Variants in HECTD4 observed in about 807,000 individuals in gnomAD.
HECTD4 encodes the protein HECT domain E3 ubiquitin protein ligase 4.
HECTD4 carries 114 observed loss-of-function variants against 471.5 expected under a neutral mutation model. The ratio of observed to expected loss-of-function variants is 0.24; its 90% CI spans 0.21 to 0.28. The LOEUF (loss-of-function observed/expected upper bound fraction) is 0.28. HECTD4 is among the 10% of genes least tolerant of loss of function. The pLI is 1.00. For synonymous variants in HECTD4, 2,012 were observed against 2,256.0 expected (o/e 0.89, Z 3.07); for missense variants, 3,866 against 5,651.5 (o/e 0.68, Z 10.13).
chr12:112,162,579 G>A lies in HECTD4; in HGVS notation c.13121-56C>T, dbSNP rs1265735686. On this transcript the variant is annotated intron_variant, in intron 75 of 75. Transcript: ENST00000682272. This position sits in a 1 kb window ranked among gnomAD's most constrained non-coding sequence, Gnocchi z 5.2. ...TGGGCCCACATCTGTGAGGCTCCCA[G>A]GGAAGCTGGGCTGGCCTCTGCTTCC... 1.2e-6 allele frequency: 2 copies of A among 1,609,374 alleles called. No homozygotes were observed. The highest frequency in any genetic ancestry group is 1.7e-6 in the Non-Finnish European group (2 of 1,177,314).
chr12:112,258,985 C>A, intron 19 of HECTD4, 127 bp downstream of exon 19: 1 of 808,116 alleles, frequency 1.2e-6, no homozygotes, highest in Non-Finnish European at 1.9e-6. Context: ...TTCTTCATTC[C>A]ATCATTATTT....
intron 55 of HECTD4, among the ~76,000 whole-genome samples, chr12:112,197,075 C>T (rs554591044): frequency 2.0e-5 from 3 of 152,176 alleles, no homozygotes; most frequent in East Asian, 1.9e-4. Flanking sequence ...GGATTATAGG[C>T]GTGACCCACT....
chr12:112,345,594 A>G (rs1196815498), intron 1 of HECTD4, among the ~76,000 whole-genome samples: 1 of 152,164 alleles, frequency 6.6e-6, no homozygotes, highest in African/African-American at 2.4e-5. Context: ...TGCTTTTTCA[A>G]ATTTTGTCAG....
At chr12:112,373,947 T>G (rs888592080) in intron 1 of HECTD4, among the ~76,000 whole-genome samples, 7 of 148,026 alleles carry the variant, frequency 4.7e-5, no homozygotes, top group African/African-American at 1.0e-4. Context: ...AAGGTTGCAG[T>G]GAGCTGCGAT....
At chr12:112,246,821 T>G in intron 29 of HECTD4, 80 bp downstream of exon 29, 2 of 1,280,518 alleles carry the variant, frequency 1.6e-6, no homozygotes, top group Non-Finnish European at 2.1e-6. Flanking sequence ...TTTCAAAATA[T>G]AGCTGTGTGT....
At chr12:112,272,559 T>C (rs1000333091) in intron 11 of HECTD4, among the ~76,000 whole-genome samples, 4 of 152,220 alleles carry the variant, frequency 2.6e-5, no homozygotes, top group Non-Finnish European at 4.4e-5. Context: ...TTACTTTCTG[T>C]TGGGCCCTCT....
intron 2 of HECTD4, among the ~76,000 whole-genome samples, chr12:112,317,973 A>G (rs982331162): frequency 2.0e-5 from 3 of 150,728 alleles, no homozygotes; most frequent in African/African-American, 7.3e-5. Flanking sequence ...AAAAAAAAAA[A>G]AAAAAAAAAA....
At chr12:112,216,236 C>T (rs1315448006) in intron 48 of HECTD4, 56 bp downstream of exon 48, 3 of 1,235,974 alleles carry the variant, frequency 2.4e-6, no homozygotes, top group Middle Eastern at 1.9e-4. Flanking sequence ...CCTGTTTAGA[C>T]CCAAACCTGA....
intron 17 of HECTD4, 103 bp downstream of exon 17, chr12:112,263,981 G>T: frequency 1.8e-6 from 2 of 1,122,724 alleles, no homozygotes; most frequent in Non-Finnish European, 1.2e-6. Flanking sequence ...AAGAATATAA[G>T]CCACAAGGTG....
rs1482598939 is a variant in HECTD4 at position 112,200,722 on chromosome 12, A to G, written c.8483T>C (p.Met2828Thr). The G allele has an allele frequency of 1.9e-6, 3 of 1,613,826 alleles. No homozygotes were observed. Among genetic ancestry groups the G allele is most frequent in the African/African-American group, 1.3e-5 (1 of 74,902 alleles). Residue 2828 changes from methionine (M) to threonine (T), a missense_variant, in exon 55 of 76, where the codon ATG becomes ACG. Met to Thr is a moderately conservative substitution (Grantham distance 81). Coordinates refer to ENST00000682272, the MANE Select transcript of HECTD4 (RefSeq NM_001388303.1). The stretch of plus-strand genomic sequence containing the variant: ...GTAGCCTGCTGGGGGCCTTTCCAAC[A>G]TGTCAATAGGATACCAGTATCGCAC... Reference protein sequence around the residue: ...VLVRYWYPIDMLERPPAGYRR... With the variant: ...VLVRYWYPIDTLERPPAGYRR...
At chr12:112,199,911 AT>A (rs1228433923) in intron 55 of HECTD4, among the ~76,000 whole-genome samples, 2 of 152,150 alleles carry the variant, frequency 1.3e-5, no homozygotes. Context: ...AGCTATCACG[AT>A]TTCTTGTGAT....
At chr12:112,176,493 G>A in intron 65 of HECTD4, 103 bp downstream of exon 65, 4 of 766,032 alleles carry the variant, frequency 5.2e-6, no homozygotes, top group South Asian at 3.1e-5. Flanking sequence ...ATCCCAGTAG[G>A]AGTGGCCAGT....
intron 13 of HECTD4, among the ~76,000 whole-genome samples, 197 bp downstream of exon 13, chr12:112,269,507 T>G (rs1330791448): frequency 6.6e-6 from 1 of 152,168 alleles, no homozygotes; most frequent in African/African-American, 2.4e-5. Flanking sequence ...GATAAGGAAA[T>G]GCAGGTACAC....
chr12:112,317,439 G>C (rs534996091), intron 2 of HECTD4, among the ~76,000 whole-genome samples: 97 of 152,264 alleles, frequency 6.4e-4, no homozygotes, highest in Non-Finnish European at 6.5e-4. Flanking sequence ...TTATAACTAA[G>C]AACTTCATAA....
intron 48 of HECTD4, among the ~76,000 whole-genome samples, chr12:112,215,462 C>T (rs1287238337): frequency 3.3e-5 from 5 of 152,048 alleles, no homozygotes; most frequent in African/African-American, 4.8e-5. Context: ...AGCTGGAGTA[C>T]GTAGGGCCAA....
chr12:112,235,538 C>G lies in HECTD4; in HGVS notation c.5691G>C (p.Leu1897=). ...CATAATCTGCCAGCTTTGCTAAGAG[C>G]AGGGAGGCGATCTTGGAAGCTGGGT... ...PSDPASKIAS[L]LLAKLADYVV... The change falls in exon 36 of 76, where the codon CTG becomes CTC. Residue 1897 remains leucine (L), a synonymous_variant. Coordinates refer to ENST00000682272, the MANE Select transcript of HECTD4 (RefSeq NM_001388303.1). This position sits in a 1 kb window ranked among gnomAD's most constrained non-coding sequence, Gnocchi z 5.0. The G allele has an allele frequency of 6.2e-7, 1 of 1,613,554 alleles. No homozygotes were observed. The highest frequency in any genetic ancestry group is 8.5e-7 in the Non-Finnish European group (1 of 1,179,668).
At chr12:112,324,060 T>C (rs1310382511) in intron 1 of HECTD4, among the ~76,000 whole-genome samples, 8 of 78,730 alleles carry the variant, frequency 1.0e-4, no homozygotes, top group Non-Finnish European at 1.5e-4. Context: ...CTTTCTTTCT[T>C]TCTTTCTTTC....
At chr12:112,374,445 A>G (rs1009375529) in intron 1 of HECTD4, among the ~76,000 whole-genome samples, 2 of 152,208 alleles carry the variant, frequency 1.3e-5, no homozygotes, top group African/African-American at 4.8e-5. Flanking sequence ...TCAAGGCAAT[A>G]CTGTCTCCCA....
At chr12:112,285,553 C>T (rs560998826) in intron 7 of HECTD4, among the ~76,000 whole-genome samples, 3 of 152,300 alleles carry the variant, frequency 2.0e-5, no homozygotes, top group Non-Finnish European at 4.4e-5. Context: ...TACCTTAACA[C>T]GTCCCAATGA....
Sources: allele counts gnomAD v4.1 joint callset (sites outside exome capture counted in the v4.1 genomes callset), GRCh38; gene constraint gnomAD v4.1.1; non-coding constraint Gnocchi (gnomAD v3.1); transcripts MANE v1.5; gene names NCBI Gene and HGNC (gene_info 2026-07-23, HGNC 2026-07-21).